Variants in WDR41 observed in about 807,000 individuals in gnomAD.
WDR41 encodes the protein WD repeat domain 41.
A neutral mutation model predicts 69.3 loss-of-function variants in WDR41; 63 were observed. That is an observed-to-expected ratio of 0.91 (90% confidence interval 0.74 to 1.12). WDR41 has a LOEUF of 1.12. Among genes scored for constraint, WDR41 ranks in the 50% most tolerant of loss-of-function variants. WDR41 has a pLI of 0.00. For synonymous variants in WDR41, 185 were observed against 192.1 expected, an observed-to-expected ratio of 0.96 and a Z score of 0.31; for missense variants, 543 against 534.5, an observed-to-expected ratio of 1.02 and a Z score of -0.16.
In WDR41 at chr5:77,544,857, G is replaced by A. The variant is rs182355896; in HGVS notation, c.43-55285C>T. Among the ~76,000 whole-genome samples, 286 of 151,964 alleles carry A rather than the reference G, an allele frequency of 1.9e-3. 7 individuals are homozygous for A. The highest frequency in any genetic ancestry group is 6.5e-3 in the African/African-American group (269 of 41,374). On this transcript the variant is annotated intron_variant, in intron 1 of 5. Transcript: ENST00000509971. ...ATACAGAACATTCCATCCAACAACC[G>A]CAGAATATACATTCTATTCAATAGC...
intron 8 of WDR41, among the ~76,000 whole-genome samples, chr5:77,442,894 C>CAAAAAAAAAAAAAAA (rs60442242): frequency 0.02 from 1,094 of 56,028 alleles, 149 homozygotes; most frequent in African/African-American, 0.046. Flanking sequence ...TCTGTCTCCC[C>CAAAAAAAAAAAAAAA]AAAAAAAAAA....
chr5:77,438,080 C>A (rs752591639), intron 10 of WDR41, among the ~76,000 whole-genome samples, 160 bp downstream of exon 10: 1 of 152,092 alleles, frequency 6.6e-6, no homozygotes, highest in Non-Finnish European at 1.5e-5. Flanking sequence ...CTGCCACATA[C>A]CCTTCTGTTA....
chr5:77,436,524 G>A (rs1281723849), intron 11 of WDR41, 130 bp from the exon 12 acceptor site: 3 of 1,085,480 alleles, frequency 2.8e-6, no homozygotes, highest in African/African-American at 1.6e-5. Flanking sequence ...CAGTACCTGA[G>A]CACCGTGCTA....
At chr5:77,554,903 G>A (rs1345780553) in intron 1 of WDR41, among the ~76,000 whole-genome samples, 3 of 151,872 alleles carry the variant, frequency 2.0e-5, no homozygotes, top group Non-Finnish European at 2.9e-5. Flanking sequence ...TGGATCACTT[G>A]AGCCCAGGAA....
At chr5:77,619,232 G>A (rs1311341688) in intron 1 of WDR41, among the ~76,000 whole-genome samples, 4 of 152,196 alleles carry the variant, frequency 2.6e-5, no homozygotes, top group South Asian at 2.1e-4. Context: ...AGTCAAAGTC[G>A]ATATTGCATT....
intron 2 of WDR41, among the ~76,000 whole-genome samples, chr5:77,484,362 A>G (rs1801415390): frequency 6.6e-6 from 1 of 152,198 alleles, no homozygotes; most frequent in Non-Finnish European, 1.5e-5. Context: ...AAAACAACAG[A>G]AATTCAATCA....
intron 2 of WDR41, among the ~76,000 whole-genome samples, chr5:77,481,295 A>G (rs915271014): frequency 6.6e-6 from 1 of 151,698 alleles, no homozygotes; most frequent in Admixed American, 6.6e-5. Flanking sequence ...GGCATGAGCC[A>G]TCATACCCGG....
At chr5:77,454,174 T>C (rs1581710874) in intron 5 of WDR41, among the ~76,000 whole-genome samples, 1 of 152,184 alleles carries the variant, frequency 6.6e-6, no homozygotes, top group Admixed American at 6.5e-5. Context: ...TTGTTCTCTC[T>C]TGGATCACGT....
At chr5:77,618,325 T>C (rs1446338252) in intron 1 of WDR41, among the ~76,000 whole-genome samples, 1 of 152,170 alleles carries the variant, frequency 6.6e-6, no homozygotes, top group Non-Finnish European at 1.5e-5. Flanking sequence ...CTGATGCTCT[T>C]TATGGATAAA....
intron 1 of WDR41, among the ~76,000 whole-genome samples, chr5:77,548,806 A>T (rs1743246122): frequency 6.6e-6 from 1 of 152,196 alleles, no homozygotes; most frequent in African/African-American, 2.4e-5. Context: ...AGAAGTCATT[A>T]TATGGAAAAG....
At chr5:77,596,577 G>A (rs1461798785) in intron 1 of WDR41, among the ~76,000 whole-genome samples, 1 of 151,864 alleles carries the variant, frequency 6.6e-6, no homozygotes, top group Non-Finnish European at 1.5e-5. Flanking sequence ...TGCCCAGGCT[G>A]GTCTTGAACT....
rs948044308 is a variant in WDR41 at position 77,589,255 on chromosome 5, G to A, written c.42+31224C>T. Among the ~76,000 whole-genome samples, 12 of 152,200 alleles carry A rather than the reference G, an allele frequency of 7.9e-5. No individual in the cohort carries two copies. In the East Asian group the frequency reaches 1.3e-3, roughly 17 times the overall value. ...TGAATTGTATATCTATATCATGCCC[G>A]TCTTATTCTACCATATTTACTATGG... On this transcript the variant is annotated intron_variant, in intron 1 of 5. Transcript: ENST00000509971.
At chr5:77,533,206 T>C (rs1043822105) in intron 1 of WDR41, among the ~76,000 whole-genome samples, 1 of 152,164 alleles carries the variant, frequency 6.6e-6, no homozygotes, top group Non-Finnish European at 1.5e-5. Context: ...CCCAGAGAAA[T>C]TCCTCACAGA....
chr5:77,611,236 A>T (rs1431729074), intron 1 of WDR41, among the ~76,000 whole-genome samples: 9 of 152,152 alleles, frequency 5.9e-5, no homozygotes, highest in Non-Finnish European at 1.3e-4. Context: ...TGTCAACATT[A>T]GACAGATCAA....
intron 3 of WDR41, among the ~76,000 whole-genome samples, chr5:77,463,714 T>C (rs1000429157): frequency 6.6e-6 from 1 of 152,208 alleles, no homozygotes; most frequent in South Asian, 2.1e-4. Context: ...CTCCACTCCA[T>C]CGTTATTTAA....
Position 77,609,472 on chromosome 5 carries a change from G to A in WDR41, c.42+11007C>T, listed in dbSNP as rs115396666. 8.5e-3 allele frequency among the ~76,000 whole-genome samples: 1,300 copies of A among 152,290 alleles called. 15 individuals are homozygous for A. The highest frequency in any genetic ancestry group is 0.03 in the African/African-American group (1,229 of 41,546). The stretch of plus-strand genomic sequence containing the variant: ...TCTGAGACAAAACTTCCAGAGGAAC[G>A]ACTGGACAGCAGCATTCACAGTTCA... On this transcript the variant is annotated intron_variant, in intron 1 of 5. Transcript: ENST00000509971.
intron 6 of WDR41, among the ~76,000 whole-genome samples, chr5:77,453,031 T>C (rs751176339): frequency 1.3e-5 from 2 of 152,230 alleles, no homozygotes; most frequent in Non-Finnish European, 2.9e-5. Context: ...AACTGAGTGG[T>C]TAAATTGTAA....
At chr5:77,557,871 G>A (rs2112252168) in intron 1 of WDR41, among the ~76,000 whole-genome samples, 1 of 152,202 alleles carries the variant, frequency 6.6e-6, no homozygotes, top group South Asian at 2.1e-4. Flanking sequence ...TAAAAGTAAT[G>A]ACTTATAGTA....
At chr5:77,444,520 C>T (rs891024535) in intron 8 of WDR41, among the ~76,000 whole-genome samples, 2 of 152,238 alleles carry the variant, frequency 1.3e-5, no homozygotes, top group African/African-American at 4.8e-5. Context: ...TTTAGCAAAT[C>T]TGGTATTCAT....
Sources: allele counts gnomAD v4.1 joint callset (sites outside exome capture counted in the v4.1 genomes callset), GRCh38; gene constraint gnomAD v4.1.1; transcripts MANE v1.5; gene names NCBI Gene and HGNC (gene_info 2026-07-23, HGNC 2026-07-21).